The following ENOX1 variants were observed in gnomAD, a reference collection of about 807,000 sequenced individuals.
ENOX1 encodes ecto-NOX disulfide-thiol exchanger 1.
A neutral mutation model predicts 82.5 loss-of-function variants in ENOX1; 42 were observed. The ratio of observed to expected loss-of-function variants is 0.51; its 90% confidence interval spans 0.40 to 0.66. The LOEUF (loss-of-function observed/expected upper bound fraction) is 0.66. ENOX1 is among the 30% of genes least tolerant of loss of function. The probability of loss-of-function intolerance (pLI) is 0.00; values close to 1 mark genes in which losing one functional copy is unlikely to be tolerated. For missense variants in ENOX1, 608 were observed against 811.6 expected, an observed-to-expected ratio of 0.75 and a Z score of 3.05; for synonymous variants, 271 against 282.2, an observed-to-expected ratio of 0.96 and a Z score of 0.40.
intron 14 of ENOX1, among the ~76,000 whole-genome samples, chr13:43,238,304 C>A (rs2153460124): frequency 6.6e-6 from 1 of 152,278 alleles, no homozygotes; most frequent in Middle Eastern, 3.4e-3. Context: ...TAAAATAGAA[C>A]AAATCCAAAG....
intron 1 of ENOX1, among the ~76,000 whole-genome samples, chr13:43,702,565 A>T (rs1193994338): frequency 6.6e-6 from 1 of 152,172 alleles, no homozygotes; most frequent in Non-Finnish European, 1.5e-5. Context: ...CCCAAAACTC[A>T]TATGTAGAAA....
intron 1 of ENOX1, among the ~76,000 whole-genome samples, chr13:43,778,670 C>T (rs1952066368): frequency 6.6e-6 from 1 of 152,218 alleles, no homozygotes; most frequent in Admixed American, 6.5e-5. Context: ...TAACTTTCTT[C>T]CTTTAATGAT....
chr13:43,741,127 C>T (rs1328180699), intron 1 of ENOX1, among the ~76,000 whole-genome samples: 1 of 148,616 alleles, frequency 6.7e-6, no homozygotes, highest in Admixed American at 6.8e-5. Context: ...CTTTGTGATC[C>T]AGGCTGGAGT....
intron 2 of ENOX1, among the ~76,000 whole-genome samples, chr13:43,600,265 G>A (rs535281862): frequency 3.3e-4 from 50 of 152,246 alleles, no homozygotes; most frequent in Admixed American, 1.5e-3. Context: ...ACTCTTGCAC[G>A]GCATTTCTGG....
intron 2 of ENOX1, among the ~76,000 whole-genome samples, chr13:43,559,918 T>A (rs1004132282): frequency 6.6e-6 from 1 of 152,218 alleles, no homozygotes; most frequent in African/African-American, 2.4e-5. Flanking sequence ...AAGTAAGGTA[T>A]GATTAAACTA....
chr13:43,232,620 G>A (rs1430802412), intron 15 of ENOX1, among the ~76,000 whole-genome samples: 1 of 152,198 alleles, frequency 6.6e-6, no homozygotes, highest in Non-Finnish European at 1.5e-5. Context: ...GATGGTGACT[G>A]TGATGGAAAT....
chr13:43,465,768 C>T (rs999047109), intron 3 of ENOX1, among the ~76,000 whole-genome samples: 12 of 152,134 alleles, frequency 7.9e-5, no homozygotes, highest in Non-Finnish European at 1.8e-4. Flanking sequence ...GCTGATATGT[C>T]CAACTCTAAT....
intron 12 of ENOX1, among the ~76,000 whole-genome samples, chr13:43,292,362 A>T (rs1469467758): frequency 6.6e-6 from 1 of 152,222 alleles, no homozygotes; most frequent in Non-Finnish European, 1.5e-5. Context: ...TAGGAAAAAG[A>T]TGATGGGCAT....
At chr13:43,255,673 A>G (rs888282770) in intron 14 of ENOX1, among the ~76,000 whole-genome samples, 4 of 152,172 alleles carry the variant, frequency 2.6e-5, no homozygotes, top group African/African-American at 9.7e-5. Context: ...CTCATTTACA[A>G]TAGCTAAAAA....
intron 2 of ENOX1, among the ~76,000 whole-genome samples, chr13:43,536,553 TA>T (rs5803184): frequency 0.56 from 84,304 of 149,818 alleles, 23,845 homozygotes; most frequent in East Asian, 0.83. Flanking sequence ...GAGTTTCACT[TA>T]AAAAAAAAAA....
chr13:43,472,034 A>C (rs2058092193), intron 3 of ENOX1, among the ~76,000 whole-genome samples: 1 of 151,808 alleles, frequency 6.6e-6, no homozygotes, highest in Non-Finnish European at 1.5e-5. Context: ...AGAAAAATTA[A>C]AAGAAAAAAA....
At chr13:43,333,780 A>C (rs981469057) in intron 9 of ENOX1, among the ~76,000 whole-genome samples, 1 of 151,982 alleles carries the variant, frequency 6.6e-6, no homozygotes, top group Non-Finnish European at 1.5e-5. Context: ...GCACCACCAC[A>C]CCCGGCTAAT....
chr13:43,784,609 A>C (rs1952463025), intron 1 of ENOX1, among the ~76,000 whole-genome samples: 1 of 152,256 alleles, frequency 6.6e-6, no homozygotes, highest in Admixed American at 6.5e-5. Flanking sequence ...TATTCATCTT[A>C]AAAATAATTG....
At chr13:43,771,857 C>T (rs918982630) in intron 1 of ENOX1, among the ~76,000 whole-genome samples, 2 of 151,418 alleles carry the variant, frequency 1.3e-5, no homozygotes, top group Non-Finnish European at 2.9e-5. Context: ...CTCCACCTTC[C>T]GGGTTCACGC....
chr13:43,415,249 T>TTA (rs2054386547), intron 3 of ENOX1, among the ~76,000 whole-genome samples: 1 of 146,344 alleles, frequency 6.8e-6, no homozygotes, highest in African/African-American at 2.5e-5. Context: ...TTTTTTTTTT[T>TTA]TTTTTTTTTT....
intron 2 of ENOX1, among the ~76,000 whole-genome samples, chr13:43,518,828 TGAGA>T (rs1480796650): frequency 2.0e-5 from 3 of 152,224 alleles, no homozygotes; most frequent in African/African-American, 7.2e-5. Flanking sequence ...TTACCATCTC[TGAGA>T]GATAGAATAA....
chr13:43,397,371 T>C (rs1262479244), intron 5 of ENOX1, among the ~76,000 whole-genome samples: 1 of 152,216 alleles, frequency 6.6e-6, no homozygotes, highest in Non-Finnish European at 1.5e-5. Context: ...ATGTCTCTGG[T>C]TAGAACCTCA....
intron 1 of ENOX1, among the ~76,000 whole-genome samples, chr13:43,729,073 G>C (rs2089168419): frequency 6.6e-6 from 1 of 152,044 alleles, no homozygotes; most frequent in Admixed American, 6.5e-5. Context: ...TTGCACATGA[G>C]AAAACTGAGG....
intron 1 of ENOX1, among the ~76,000 whole-genome samples, chr13:43,743,259 T>C (rs17065000): frequency 0.022 from 3,303 of 152,238 alleles, 134 homozygotes; most frequent in African/African-American, 0.076. Flanking sequence ...TAGAACTTCT[T>C]AGAGACATCA....
Sources: allele counts gnomAD v4.1 joint callset (sites outside exome capture counted in the v4.1 genomes callset), GRCh38; gene constraint gnomAD v4.1.1; transcripts MANE v1.5; gene names NCBI Gene and HGNC (gene_info 2026-07-23, HGNC 2026-07-21).